The following C20orf203 variants were observed in gnomAD, a reference collection of about 807,000 sequenced individuals.
The protein encoded by C20orf203 is chromosome 20 open reading frame 203.
C20orf203 carries 16 observed loss-of-function variants against 15.9 expected under a neutral mutation model. That is an observed-to-expected ratio of 1.01 (90% confidence interval 0.68 to 1.53). The LOEUF (loss-of-function observed/expected upper bound fraction) is 1.53. Among genes scored for constraint, C20orf203 ranks in the 40% most tolerant of loss-of-function variants. The pLI is 0.00. For missense variants in C20orf203, 263 were observed against 247.5 expected (o/e 1.06, Z -0.42); for synonymous variants, 98 against 97.2 (o/e 1.01, Z -0.05).
Position 32,650,580 on chromosome 20 carries a change from C to T in C20orf203, c.437G>A (p.Gly146Glu). 6.5e-7 allele frequency: 1 copy of T among 1,548,766 alleles called. No individual in the cohort carries two copies. Among genetic ancestry groups the T allele is most frequent in the Non-Finnish European group, 8.7e-7 (1 of 1,145,352 alleles). Residue 146 changes from glycine (G) to glutamate (E), a missense_variant, in exon 4 of 6, where the codon GGG becomes GAG. By Grantham distance (98) the Gly-to-Glu change is moderately conservative. Transcript: ENST00000608990. ...CGAGGACAGAGCTTGGCCAAAGTCCCCCACCGTGCCCATTCTGGGCATCCC... is the reference window on the plus strand; with the variant it reads ...CGAGGACAGAGCTTGGCCAAAGTCCTCCACCGTGCCCATTCTGGGCATCCC... ...MGGMPRMGTVGDFGQALSSLA... is the reference protein window; with the variant it reads ...MGGMPRMGTVEDFGQALSSLA...
At chr20:32,660,888 A>G (rs1277164453) in intron 1 of C20orf203, among the ~76,000 whole-genome samples, 2 of 114,636 alleles carry the variant, frequency 1.7e-5, no homozygotes, top group East Asian at 4.6e-4. Context: ...AAAGCCCCTT[A>G]TAAAAATCAT....
In C20orf203 at chr20:32,650,685, C is replaced by T. The variant is rs531482675; in HGVS notation, c.332G>A (p.Arg111Lys). ...ATCTCTCCGACCCACCTTGCTGAGC[C>T]TGAGGCCTCCAACTTCCCCCCACCC... ...GEGWGEVGGLRLSKVGRRDRE... is the reference protein window; with the variant it reads ...GEGWGEVGGLKLSKVGRRDRE... Residue 111 changes from arginine to lysine, a missense_variant, in exon 4 of 6, where the codon AGG becomes AAG. Transcript: ENST00000608990. The T allele has an allele frequency of 1.0e-5, 16 of 1,549,120 alleles. No homozygotes were observed. The highest frequency in any genetic ancestry group is 1.4e-5 in the Non-Finnish European group (16 of 1,146,368).
chr20:32,650,805 G>T lies in C20orf203; in HGVS notation c.212C>A (p.Ala71Asp). ...GCTGGGCTGGGGGTGGACTCGCTGA[G>T]CCTTTGAGGTCCTCCTTCCCGCCCC... ...GGGAGRRTSK[A>D]QRVHPQPSHQ... is the part of the protein sequence containing the mutation. Residue 71 changes from alanine (A) to aspartate (D), a missense_variant, in exon 4 of 6, where the codon GCT becomes GAT. Transcript: ENST00000608990. 6.7e-7 allele frequency: 1 copy of T among 1,489,910 alleles called. No individual in the cohort carries two copies. Among genetic ancestry groups the T allele is most frequent in the Non-Finnish European group, 8.9e-7 (1 of 1,117,956 alleles). 92.3% of individuals were successfully genotyped at this position (1,489,910 alleles called of 1,614,324 possible). A position where few individuals can be genotyped will look rare whatever the true frequency, so the allele number is the denominator to read the frequency against.
At chr20:32,652,527 C>G (rs1982661258) in intron 1 of C20orf203, among the ~76,000 whole-genome samples, 1 of 151,438 alleles carries the variant, frequency 6.6e-6, no homozygotes, top group Admixed American at 6.6e-5. Flanking sequence ...GCTGATGGAG[C>G]CTCCTCTGGC....
At position 32,651,117 on chromosome 20, in the gene C20orf203, T is replaced by A; in HGVS notation, c.36A>T (p.Gln12His). 1 of 1,293,886 alleles carries A rather than the reference T, an allele frequency of 7.7e-7. No individual in the cohort carries two copies. Among genetic ancestry groups the A allele is most frequent in the Non-Finnish European group, 1.1e-6 (1 of 939,006 alleles). The allele number at this position is 1,293,886 out of a possible 1,614,324, so 80.2% of individuals were successfully genotyped here. ...TGGGAGGCTGAGGCAGGAGAATCGC[T>A]TGAGCCCGGGAGTTCAAGACAGGCC... is the stretch of plus-strand genomic sequence containing the variant. ...FPRPVLNSRA[Q>H]AILLPQPPNM... Residue 12 changes from glutamine to histidine, a missense_variant, in exon 3 of 6, where the codon CAA becomes CAT. Transcript: ENST00000608990.
In C20orf203 at chr20:32,654,357, T is replaced by C. The variant is rs182319274; in HGVS notation, c.-263-2376A>G. On this transcript the variant is annotated intron_variant, in intron 1 of 5. Coordinates refer to ENST00000608990, the MANE Select transcript of C20orf203 (RefSeq NM_182584.4). ...AGAAATTAAAGATGCCATAAATAAA[T>C]GGAAAAATACCAATGTTCATAGATC... 1.1e-3 allele frequency among the ~76,000 whole-genome samples: 168 copies of C among 152,236 alleles called. 1 individual carries two copies. The highest frequency in any genetic ancestry group is 2.1e-3 in the Non-Finnish European group (140 of 68,008).
chr20:32,635,341 A>T (rs1176521598), intron 5 of C20orf203, among the ~76,000 whole-genome samples: 4 of 151,750 alleles, frequency 2.6e-5, no homozygotes, highest in African/African-American at 9.7e-5. Flanking sequence ...CTACTAAAAA[A>T]TACAAAAATT....
At chr20:32,663,384 A>G (rs142882811) in intron 1 of C20orf203, among the ~76,000 whole-genome samples, 62 of 152,266 alleles carry the variant, frequency 4.1e-4, no homozygotes, top group African/African-American at 1.4e-3. Context: ...GTCATTAAAT[A>G]ACTTTAAAGA....
intron 1 of C20orf203, among the ~76,000 whole-genome samples, chr20:32,668,714 T>C (rs1377259159): frequency 6.6e-6 from 1 of 151,958 alleles, no homozygotes; most frequent in Non-Finnish European, 1.5e-5. Flanking sequence ...TCCCAGCTAC[T>C]AGGGAGGCTG....
intron 4 of C20orf203, among the ~76,000 whole-genome samples, chr20:32,648,365 T>C (rs1972987315): frequency 1.3e-5 from 2 of 150,254 alleles, no homozygotes; most frequent in African/African-American, 4.9e-5. Flanking sequence ...CCCCAATCCC[T>C]ATTCTCTCTG....
At chr20:32,637,818 T>C (rs938458515) in intron 5 of C20orf203, among the ~76,000 whole-genome samples, 1 of 152,234 alleles carries the variant, frequency 6.6e-6, no homozygotes, top group Non-Finnish European at 1.5e-5. Context: ...GTCTTTTGTT[T>C]AATTTGTTCA....
chr20:32,650,704 C>G lies in C20orf203; in HGVS notation c.313G>C (p.Gly105Arg). 2 of 1,547,500 alleles carry G rather than the reference C, an allele frequency of 1.3e-6. No individual in the cohort carries two copies. The highest frequency in any genetic ancestry group is 1.7e-6 in the Non-Finnish European group (2 of 1,145,276). Residue 105 changes from glycine (G) to arginine (R), a missense_variant, in exon 4 of 6, where the codon GGG becomes CGG. Coordinates refer to ENST00000608990, the MANE Select transcript of C20orf203 (RefSeq NM_182584.4). The stretch of plus-strand genomic sequence containing the variant: ...CTGAGCCTGAGGCCTCCAACTTCCC[C>G]CCACCCCTCCCCACCAACCCAAATC... ...ERIWVGGEGWGEVGGLRLSKV... is the reference protein window; with the variant it reads ...ERIWVGGEGWREVGGLRLSKV...
intron 5 of C20orf203, among the ~76,000 whole-genome samples, chr20:32,635,272 G>C (rs1982106444): frequency 6.6e-6 from 1 of 152,086 alleles, no homozygotes; most frequent in Admixed American, 6.6e-5. Context: ...GGCCGAGGCA[G>C]GCAGATCATG....
intron 1 of C20orf203, among the ~76,000 whole-genome samples, chr20:32,656,181 G>C (rs941127222): frequency 1.3e-5 from 2 of 152,198 alleles, no homozygotes; most frequent in African/African-American, 4.8e-5. Flanking sequence ...AAATTACTCA[G>C]TCTCAGCTAT....
chr20:32,643,617 T>C (rs1982341260), intron 4 of C20orf203, among the ~76,000 whole-genome samples: 2 of 136,392 alleles, frequency 1.5e-5, no homozygotes, highest in Non-Finnish European at 1.5e-5. Flanking sequence ...CCCAGCCGCT[T>C]CCTGGAACCA....
At chr20:32,663,722 T>C (rs1176586162) in intron 1 of C20orf203, among the ~76,000 whole-genome samples, 2 of 152,170 alleles carry the variant, frequency 1.3e-5, no homozygotes, top group Non-Finnish European at 2.9e-5. Context: ...CCCAGGTTCA[T>C]CCCCTCCACA....
intron 4 of C20orf203, among the ~76,000 whole-genome samples, chr20:32,641,238 G>A (rs912427746): frequency 2.0e-5 from 3 of 151,658 alleles, no homozygotes; most frequent in African/African-American, 7.3e-5. Flanking sequence ...GGGAGGCTGA[G>A]GTGGAAGGAT....
At chr20:32,637,274 G>A (rs111409237) in intron 5 of C20orf203, among the ~76,000 whole-genome samples, 2,919 of 152,232 alleles carry the variant, frequency 0.019, 34 homozygotes, top group Non-Finnish European at 0.029. Flanking sequence ...TTAGCTGGGC[G>A]TGGTGGCAGG....
chr20:32,666,800 TATATATA>T lies in C20orf203; in HGVS notation c.-264+6825_-264+6831del, dbSNP rs1568756030. 1.3e-4 allele frequency among the ~76,000 whole-genome samples: 11 copies of T among 85,354 alleles called. 1 individual carries two copies. Among genetic ancestry groups the T allele is most frequent in the South Asian group, 3.6e-4 (1 of 2,752 alleles). The allele number at this position is 85,354 out of a possible 152,430, so 56.0% of individuals were successfully genotyped here. A position where few individuals can be genotyped will look rare whatever the true frequency, so the allele number is the denominator to read the frequency against. Reference sequence around the variant, plus strand: ...AAAAGATGAAATTAATTTTAATTTATATATATATATATATATATATATATAGTTTTGT... The same window carrying T: ...AAAAGATGAAATTAATTTTAATTTATTATATATATATATATATAGTTTTGT... On this transcript the variant is annotated intron_variant, in intron 1 of 5. Coordinates refer to ENST00000608990, the MANE Select transcript of C20orf203 (RefSeq NM_182584.4).
Sources: gnomAD v4.1 joint callset for allele counts (sites outside exome capture counted in the v4.1 genomes callset) on GRCh38, gnomAD v4.1.1 for gene constraint, MANE v1.5 for transcripts, NCBI Gene and HGNC (gene_info 2026-07-23, HGNC 2026-07-21) for gene names.